The following NT5E variants were observed in gnomAD, a reference collection of about 807,000 sequenced individuals.
NT5E encodes the protein 5'-nucleotidase ecto.
NT5E carries 53 observed loss-of-function variants against 55.1 expected under a neutral mutation model. The observed-to-expected ratio is 0.96, with a 90% CI of 0.77 to 1.21. The LOEUF is 1.21. Ranked by LOEUF, NT5E falls within the 50% of genes most tolerant of loss-of-function variation. The pLI is 0.00. For synonymous variants in NT5E, 270 were observed against 278.4 expected (o/e 0.97, Z 0.30); for missense variants, 683 against 724.3 (o/e 0.94, Z 0.65).
intron 3 of NT5E, among the ~76,000 whole-genome samples, chr6:85,473,806 C>T (rs140401434): frequency 3.9e-5 from 6 of 152,254 alleles, no homozygotes; most frequent in Admixed American, 2.6e-4. Context: ...TTAAATGGGA[C>T]GTGACCAAAA....
intron 1 of NT5E, among the ~76,000 whole-genome samples, chr6:85,453,187 C>T (rs1371774124): frequency 6.6e-6 from 1 of 152,166 alleles, no homozygotes; most frequent in Non-Finnish European, 1.5e-5. Context: ...CTGTTGTCCC[C>T]TGAGGCACGA....
At chr6:85,452,549 A>G (rs1008364031) in intron 1 of NT5E, among the ~76,000 whole-genome samples, 2 of 152,142 alleles carry the variant, frequency 1.3e-5, no homozygotes, top group Admixed American at 1.3e-4. Flanking sequence ...GAGGAAAAAT[A>G]GGCTACTTAC....
intron 1 of NT5E, among the ~76,000 whole-genome samples, chr6:85,464,067 ATT>A (rs67527174): frequency 0.012 from 1,152 of 98,412 alleles, 21 homozygotes; most frequent in African/African-American, 0.037. Flanking sequence ...GTAGTTAGGA[ATT>A]TTTTTTTTTT....
chr6:85,457,014 A>T (rs185313275), intron 1 of NT5E, among the ~76,000 whole-genome samples: 1 of 152,294 alleles, frequency 6.6e-6, no homozygotes, highest in African/African-American at 2.4e-5. Flanking sequence ...TGCCGGCTGT[A>T]CTTGCCTTCT....
At chr6:85,490,696 G>T in intron 7 of NT5E, 39 bp downstream of exon 7, 1 of 1,611,264 alleles carries the variant, frequency 6.2e-7, no homozygotes, top group South Asian at 1.1e-5. Context: ...CATCCAAAGT[G>T]ACATGGCATT....
intron 1 of NT5E, among the ~76,000 whole-genome samples, chr6:85,465,518 A>G (rs534046179): frequency 6.6e-6 from 1 of 152,366 alleles, no homozygotes; most frequent in African/African-American, 2.4e-5. Context: ...AGCTTTTAAG[A>G]GGAAAGTTAA....
At chr6:85,484,072 A>C (rs1228741517) in intron 3 of NT5E, among the ~76,000 whole-genome samples, 1 of 152,186 alleles carries the variant, frequency 6.6e-6, no homozygotes, top group Non-Finnish European at 1.5e-5. Flanking sequence ...TGGAGGACTA[A>C]ATGAGATTAA....
chr6:85,459,516 A>G (rs1769051132), intron 1 of NT5E, among the ~76,000 whole-genome samples: 1 of 152,186 alleles, frequency 6.6e-6, no homozygotes, highest in Admixed American at 6.5e-5. Context: ...CCCTTCTGAC[A>G]TGTTTCAGCC....
At chr6:85,486,497 C>A (rs1006034406) in intron 4 of NT5E, among the ~76,000 whole-genome samples, 6 of 152,202 alleles carry the variant, frequency 3.9e-5, no homozygotes, top group Non-Finnish European at 7.4e-5. Flanking sequence ...AGGCCCCCCC[C>A]ATGCGTCCGT....
At chr6:85,469,664 G>A (rs967311073) in intron 2 of NT5E, among the ~76,000 whole-genome samples, 2 of 152,234 alleles carry the variant, frequency 1.3e-5, no homozygotes, top group Non-Finnish European at 2.9e-5. Flanking sequence ...CCAACAGGAA[G>A]CAGATTGTCC....
At chr6:85,469,217 T>C (rs1769255854) in intron 2 of NT5E, among the ~76,000 whole-genome samples, 1 of 152,222 alleles carries the variant, frequency 6.6e-6, no homozygotes, top group Non-Finnish European at 1.5e-5. Context: ...ATATATGGGA[T>C]GCCTGGTCCT....
In NT5E at chr6:85,495,331, C is replaced by A. The variant is rs1033620699; in HGVS notation, c.*1327C>A. 1 of 152,168 alleles carries A rather than the reference C, an allele frequency of 6.6e-6. No homozygotes were observed. The highest frequency in any genetic ancestry group is 2.4e-5 in the African/African-American group (1 of 41,440). 9.4% of individuals were successfully genotyped at this position (152,168 alleles called of 1,614,324 possible). On this transcript the variant is annotated 3_prime_UTR_variant, in exon 9 of 9. Transcript: ENST00000257770. ...ACAAATACTTAACGTGGGAGTGGAA[C>A]CACATGAGCCTGCTCAGCTCTGCAT...
intron 1 of NT5E, among the ~76,000 whole-genome samples, chr6:85,458,870 C>A (rs1769040081): frequency 6.6e-6 from 1 of 152,142 alleles, no homozygotes; most frequent in Non-Finnish European, 1.5e-5. Flanking sequence ...TTCATACATT[C>A]TTTCAACAAC....
chr6:85,466,830 T>C (rs1429243930), intron 1 of NT5E, among the ~76,000 whole-genome samples: 3 of 152,170 alleles, frequency 2.0e-5, no homozygotes, highest in African/African-American at 2.4e-5. Flanking sequence ...TGGCCAGCTC[T>C]CCAGGTGTTG....
chr6:85,473,260 C>A (rs891994263), intron 3 of NT5E, among the ~76,000 whole-genome samples: 4 of 152,148 alleles, frequency 2.6e-5, no homozygotes, highest in African/African-American at 9.7e-5. Flanking sequence ...TGCCTGATTA[C>A]CCTCATCTGT....
chr6:85,492,107 C>T lies in NT5E; in HGVS notation c.1491C>T (p.Leu497=), dbSNP rs750362992. Residue 497 remains leucine (L), a synonymous_variant, in exon 8 of 9, where the codon CTC becomes CTT. Transcript: ENST00000257770. Reference sequence around the variant, plus strand: ...TGGACGAGGTATATAAGGTGATCCTCCCAAACTTCCTGGCCAATGGTGGAG... The same window carrying T: ...TGGACGAGGTATATAAGGTGATCCTTCCAAACTTCCTGGCCAATGGTGGAG... ...LKMDEVYKVI[L]PNFLANGGDG... 1.5e-5 allele frequency: 24 copies of T among 1,614,046 alleles called. No homozygotes were observed. In the Admixed American group the frequency reaches 3.8e-4, roughly 26 times the overall value.
In NT5E at chr6:85,450,469, CG is replaced by C; in HGVS notation, c.331del (p.Asp111MetfsTer17). 5 of 1,593,900 alleles carry C rather than the reference CG, an allele frequency of 3.1e-6. No individual in the cohort carries two copies. Among genetic ancestry groups the C allele is most frequent in the Non-Finnish European group, 4.3e-6 (5 of 1,171,526 alleles). On this transcript the variant is annotated frameshift_variant, in exon 1 of 9. Coordinates refer to ENST00000257770, the MANE Select transcript of NT5E (RefSeq NM_002526.4). LOFTEE classifies it high-confidence loss of function. The surrounding 1 kb of genome is among the most constrained non-coding windows in gnomAD (Gnocchi z 4.0). ...CGCACTTCATGAACGCCCTGCGCTA[CG>C]ATGCCATGGTAAGACCCGAGCCCGC... Reference protein sequence around the residue: ...VAHFMNALRYDAMALGNHEFD... With the variant: ...VAHFMNALRYXAMALGNHEFD...
chr6:85,461,171 G>T (rs1005751755), intron 1 of NT5E, among the ~76,000 whole-genome samples: 1 of 152,184 alleles, frequency 6.6e-6, no homozygotes, highest in Non-Finnish European at 1.5e-5. Context: ...TGGAGGGAGG[G>T]AGAAAGAGAC....
chr6:85,492,434 A>G (rs773201865), intron 8 of NT5E, among the ~76,000 whole-genome samples: 1 of 152,252 alleles, frequency 6.6e-6, no homozygotes, highest in Non-Finnish European at 1.5e-5. Context: ...TTTTAACTAC[A>G]TCTAAGCAGC....
Sources: gnomAD v4.1 joint callset for allele counts (sites outside exome capture counted in the v4.1 genomes callset) on GRCh38, gnomAD v4.1.1 for gene constraint, Gnocchi (gnomAD v3.1) non-coding constraint, MANE v1.5 for transcripts, NCBI Gene and HGNC (gene_info 2026-07-23, HGNC 2026-07-21) for gene names.